The following GNAS variants were observed in gnomAD, a reference collection of about 807,000 sequenced individuals.
GNAS encodes the protein protein ALEX.
A neutral mutation model predicts 54.5 loss-of-function variants in GNAS; 8 were observed. The observed-to-expected ratio is 0.15, with a 90% CI of 0.09 to 0.26. The LOEUF (loss-of-function observed/expected upper bound fraction) is 0.26. Among genes scored for constraint, GNAS ranks in the 10% least tolerant of loss-of-function variants. The pLI is 1.00. For missense variants in GNAS, 170 were observed against 529.8 expected, an observed-to-expected ratio of 0.32 and a Z score of 6.67; for synonymous variants, 204 against 191.4, an observed-to-expected ratio of 1.07 and a Z score of -0.54.
chr20:58,901,659 G>A (rs537875335), intron 3 of GNAS, among the ~76,000 whole-genome samples: 9 of 151,862 alleles, frequency 5.9e-5, no homozygotes, highest in African/African-American at 2.2e-4. Context: ...AGTGACCTGT[G>A]AAAGGGGCTT....
At chr20:58,840,815 A>T, upstream of GNAS, 1 of 1,612,760 alleles carries the variant, frequency 6.2e-7, no homozygotes, top group Non-Finnish European at 8.5e-7. The surrounding 1 kb of genome is among the most constrained non-coding windows in gnomAD (Gnocchi z 6.0). Context: ...CCCTTCCAAA[A>T]AGGGACCCAT....
At chr20:58,840,341 TC>T (rs749968330), upstream of GNAS, 5 of 1,612,602 alleles carry the variant, frequency 3.1e-6, no homozygotes, top group Admixed American at 3.3e-5. This position sits in a 1 kb window ranked among gnomAD's most constrained non-coding sequence, Gnocchi z 6.0. Flanking sequence ...ATTCCCTGAG[TC>T]CCCCGAATCG....
chr20:58,853,465 C>T lies in GNAS; in HGVS notation c.43+12579C>T, dbSNP rs779963876. The T allele has an allele frequency of 1.1e-5, 18 of 1,612,356 alleles. No individual in the cohort carries two copies. Among genetic ancestry groups the T allele is most frequent in the African/African-American group, 1.3e-5 (1 of 74,894 alleles). On this transcript the variant is annotated intron_variant, in intron 1 of 12. Transcript: ENST00000306090. This position sits in a 1 kb window ranked among gnomAD's most constrained non-coding sequence, Gnocchi z 4.4. ...ATCCCCGTCGAGAATGATGGCGAGG[C>T]CTGTGGACCCCCAGAGGTCTCCAGA... is the stretch of plus-strand genomic sequence containing the variant.
In GNAS at chr20:58,841,983, T is replaced by A. The variant is rs1038680827; in HGVS notation, c.43+1097T>A. ...GTACGCGCAGAGCTGGGGAAAGGTG[T>A]TGGATCCGGCGCCAGTCCTTGGACG... On this transcript the variant is annotated intron_variant, in intron 1 of 12. Coordinates refer to the GNAS transcript ENST00000306090. The surrounding 1 kb of genome is among the most constrained non-coding windows in gnomAD (Gnocchi z 5.0). 6 of 1,009,266 alleles carry A rather than the reference T, an allele frequency of 5.9e-6. No individual in the cohort carries two copies. The highest frequency in any genetic ancestry group is 7.6e-6 in the Non-Finnish European group (6 of 784,748). 62.5% of individuals were successfully genotyped at this position (1,009,266 alleles called of 1,614,324 possible).
chr20:58,891,937 G>A (rs1196868254), intron 1 of GNAS, 72 bp downstream of exon 1: 17 of 899,166 alleles, frequency 1.9e-5, no homozygotes, highest in Non-Finnish European at 2.2e-5. Context: ...CGCGCGCGCC[G>A]AGCCCGCCCC....
intron 1 of GNAS, among the ~76,000 whole-genome samples, chr20:58,866,400 G>C (rs572784126): frequency 3.9e-5 from 6 of 152,302 alleles, no homozygotes; most frequent in Admixed American, 3.9e-4. Flanking sequence ...GACATTTCCT[G>C]GTCAAGAGTC....
intron 1 of GNAS, among the ~76,000 whole-genome samples, chr20:58,878,460 C>T (rs2087984700): frequency 6.6e-6 from 1 of 152,182 alleles, no homozygotes; most frequent in African/African-American, 2.4e-5. Context: ...AGTAAAACAA[C>T]TTTACTTCTT....
intron 1 of GNAS, among the ~76,000 whole-genome samples, chr20:58,877,732 CG>C (rs1338345555): frequency 6.6e-6 from 1 of 152,308 alleles, no homozygotes; most frequent in Admixed American, 6.5e-5. Flanking sequence ...AACGAGAGAA[CG>C]GCGCTGTCAC....
At chr20:58,844,227 C>A (rs925912945) in intron 1 of GNAS, among the ~76,000 whole-genome samples, 2 of 152,154 alleles carry the variant, frequency 1.3e-5, no homozygotes, top group Admixed American at 6.5e-5. Flanking sequence ...TAACTGCTTA[C>A]CTGGAAGGTG....
In GNAS at chr20:58,898,221, C is replaced by T. The variant is rs147406201; in HGVS notation, c.213-720C>T. ...CCCTTCGGCCTTCAAGGAGGAATTC[C>T]TACTGTTTATGAAGATCGGGTTTGG... On this transcript the variant is annotated intron_variant, in intron 2 of 12. Transcript: ENST00000371085. 6.8e-3 allele frequency: 1,036 copies of T among 152,128 alleles called. 5 individuals are homozygous for T. Among genetic ancestry groups the T allele is most frequent in the Non-Finnish European group, 8.9e-3 (603 of 68,034 alleles). 9.4% of individuals were successfully genotyped at this position (152,128 alleles called of 1,614,324 possible). A position where few individuals can be genotyped will look rare whatever the true frequency, so the allele number is the denominator to read the frequency against.
intron 1 of GNAS, among the ~76,000 whole-genome samples, chr20:58,877,425 AT>A (rs1380772664): frequency 6.6e-6 from 1 of 152,126 alleles, no homozygotes; most frequent in Admixed American, 6.5e-5. Flanking sequence ...CTTCCGTGAG[AT>A]TTTAACCCCA....
Position 58,859,422 on chromosome 20 carries a change from G to A in GNAS, c.43+18536G>A, listed in dbSNP as rs537992924. On this transcript the variant is annotated intron_variant, in intron 1 of 12. Transcript: ENST00000306090. ...TCACCATGTTGTTCAAGCTGGTCTCGAACTCCTGACCTCAAGTGATCTACC... is the reference window on the plus strand; with the variant it reads ...TCACCATGTTGTTCAAGCTGGTCTCAAACTCCTGACCTCAAGTGATCTACC... 1.5e-4 allele frequency among the ~76,000 whole-genome samples: 22 copies of A among 151,380 alleles called. No individual in the cohort carries two copies. The South Asian group carries it at 3.8e-3, about 26-fold the overall frequency.
intron 3 of GNAS, chr20:58,899,524 C>A (rs1229122605): frequency 1.8e-6 from 1 of 546,902 alleles, no homozygotes; most frequent in East Asian, 4.9e-5. Context: ...TAAAAATGAT[C>A]AAATTTATTT....
chr20:58,869,699 G>T (rs535811935), intron 1 of GNAS, among the ~76,000 whole-genome samples: 1 of 152,270 alleles, frequency 6.6e-6, no homozygotes, highest in African/African-American at 2.4e-5. Flanking sequence ...TGTTTTTCAG[G>T]ATCTCTGAGA....
intron 1 of GNAS, among the ~76,000 whole-genome samples, chr20:58,881,192 A>G (rs1329310030): frequency 6.6e-6 from 1 of 152,242 alleles, no homozygotes; most frequent in Non-Finnish European, 1.5e-5. Flanking sequence ...AGCGCCTCCC[A>G]GAGGCGTGGG....
chr20:58,868,659 G>A (rs187821523), intron 1 of GNAS, among the ~76,000 whole-genome samples: 39 of 152,338 alleles, frequency 2.6e-4, no homozygotes, highest in Middle Eastern at 3.4e-3. Context: ...AGAAAGGGGA[G>A]AACGGAAAGC....
intron 1 of GNAS, chr20:58,854,665 C>A (rs950471364): frequency 1.5e-5 from 23 of 1,528,362 alleles, no homozygotes; most frequent in Admixed American, 2.0e-5. Context: ...GATCCAGATG[C>A]CGGGGCGGCC....
At chr20:58,891,903 G>A (rs1477823401) in intron 1 of GNAS, 38 bp downstream of exon 1, 4 of 1,022,042 alleles carry the variant, frequency 3.9e-6, no homozygotes, top group Non-Finnish European at 4.8e-6. Context: ...CGGCCCGGGG[G>A]CCCTCGAAGG....
intron 1 of GNAS, among the ~76,000 whole-genome samples, chr20:58,862,314 T>C (rs1391146109): frequency 6.6e-6 from 1 of 151,838 alleles, no homozygotes; most frequent in Non-Finnish European, 1.5e-5. Flanking sequence ...CCTGCCAGCA[T>C]GCCCAGCTAA....
Sources: gnomAD v4.1 joint callset for allele counts (sites outside exome capture counted in the v4.1 genomes callset) on GRCh38, gnomAD v4.1.1 for gene constraint, Gnocchi (gnomAD v3.1) non-coding constraint, MANE v1.5 for transcripts, NCBI Gene and HGNC (gene_info 2026-07-23, HGNC 2026-07-21) for gene names.